MEG3: variants seen among roughly 807,000 people sequenced by gnomAD.
The protein encoded by MEG3 is maternally expressed 3.
At chr14:100,858,300 G>A (rs2038300784) in exon 1 of MEG3, 1 of 152,946 alleles carries the variant, frequency 6.5e-6, no homozygotes, top group African/African-American at 2.4e-5. Flanking sequence ...CTGCGTTAGA[G>A]GAGGTGCTGC....
rs780711431 is a variant in MEG3, at chr14:100,845,472, T to C, written n.3060T>C. The C allele has an allele frequency of 1.1e-5, 5 of 456,694 alleles. No homozygotes were observed. The allele number at this position is 456,694 out of a possible 1,614,324, so 28.3% of individuals were successfully genotyped here. On this transcript the variant is annotated non_coding_transcript_exon_variant, in exon 3 of 4. Transcript: ENST00000398461. This position sits in a 1 kb window ranked among gnomAD's most constrained non-coding sequence, Gnocchi z 5.2. ...TCTTGTTACAGCGGAAGCCATCACC[T>C]GGATGCCTACGTGGGAAGGGACCTC... is the stretch of plus-strand genomic sequence containing the variant.
At chr14:100,852,427 G>C (rs2139998862), upstream of MEG3, 1 of 534,370 alleles carries the variant, frequency 1.9e-6, no homozygotes, top group South Asian at 1.4e-5. Flanking sequence ...CACGTGTCAG[G>C]GCCACATGAG....
At chr14:100,844,554 T>C (rs2037857051) in intron 2 of MEG3, among the ~76,000 whole-genome samples, 1 of 152,198 alleles carries the variant, frequency 6.6e-6, no homozygotes, top group South Asian at 2.1e-4. Flanking sequence ...CCCCACCATC[T>C]CCCCTGTCAT....
intron 2 of MEG3, among the ~76,000 whole-genome samples, chr14:100,839,403 TC>T (rs1258363606): frequency 1.3e-5 from 2 of 152,142 alleles, no homozygotes; most frequent in Non-Finnish European, 2.9e-5. Flanking sequence ...TCTAGCTTCG[TC>T]TCCCATCCCC....
chr14:100,855,370 G>A (rs781400699), upstream of MEG3: 7 of 152,244 alleles, frequency 4.6e-5, no homozygotes, highest in Admixed American at 3.3e-4. Flanking sequence ...TGCCTCCTCC[G>A]GGGTTACTGC....
At chr14:100,850,078 A>G (rs2038023895) in intron 3 of MEG3, 1 of 152,270 alleles carries the variant, frequency 6.6e-6, no homozygotes, top group African/African-American at 2.4e-5. Context: ...TTGCAAATAA[A>G]TACATGGGCC....
chr14:100,828,747 G>C (rs1371894481), exon 2 of MEG3: 4 of 151,580 alleles, frequency 2.6e-5, no homozygotes, highest in African/African-American at 9.8e-5. Context: ...CCACCTCCTT[G>C]TCTTCAAGGA....
rs2037597815 is a variant in MEG3, at chr14:100,836,803, GC to G, written n.3045+504del. Reference sequence around the variant, plus strand: ...AGAACCGTGGTTTCTCACACATGAGGCTTTGATAATGTCCTTTAATCAAATA... The same window carrying G: ...AGAACCGTGGTTTCTCACACATGAGGTTTGATAATGTCCTTTAATCAAATA... On this transcript the variant is annotated intron_variant and non_coding_transcript_variant, in intron 2 of 3. Transcript: ENST00000398461. Among the ~76,000 whole-genome samples the G allele has an allele frequency of 2.6e-5, 4 of 151,840 alleles. No homozygotes were observed. In the South Asian group the frequency reaches 8.4e-4, roughly 32 times the overall value.
chr14:100,834,968 G>A (rs1281013750), exon 1 of MEG3: 1 of 390,756 alleles, frequency 2.6e-6, no homozygotes, highest in African/African-American at 2.1e-5. Flanking sequence ...AACTGAGCAC[G>A]CCCACGGCCC....
intron 2 of MEG3, among the ~76,000 whole-genome samples, chr14:100,842,797 C>T (rs1375820407): frequency 6.6e-6 from 1 of 152,120 alleles, no homozygotes; most frequent in Admixed American, 6.5e-5. Context: ...TTTTCTAATC[C>T]CATTAAGCTG....
At chr14:100,859,081 A>T (rs1317401979) in exon 1 of MEG3, 1 of 152,328 alleles carries the variant, frequency 6.6e-6, no homozygotes, top group Non-Finnish European at 1.5e-5. Context: ...TGAGGCCCAC[A>T]CTGCCCTGGC....
chr14:100,842,511 T>G (rs867756413), intron 2 of MEG3, among the ~76,000 whole-genome samples: 2 of 152,314 alleles, frequency 1.3e-5, no homozygotes, highest in Middle Eastern at 3.4e-3. Context: ...TACAGGAAAT[T>G]AGCTCTGCAA....
At chr14:100,843,811 A>G (rs1443334199) in intron 2 of MEG3, among the ~76,000 whole-genome samples, 1 of 135,936 alleles carries the variant, frequency 7.4e-6, no homozygotes, top group African/African-American at 2.7e-5. Context: ...AGGCAGCTGG[A>G]GTCAGGTGTC....
At chr14:100,854,461 G>A (rs1476323959), upstream of MEG3, 1 of 152,202 alleles carries the variant, frequency 6.6e-6, no homozygotes, top group African/African-American at 2.4e-5. Flanking sequence ...ATGGTGTGGG[G>A]TTGGCCTAGG....
chr14:100,852,334 C>T (rs532283810), upstream of MEG3: 193 of 531,992 alleles, frequency 3.6e-4, 1 homozygote, highest in Middle Eastern at 3.8e-3. Flanking sequence ...CTTCTAGCTC[C>T]GGCCGAGTGG....
chr14:100,854,656 G>C (rs2038183832), upstream of MEG3: 2 of 152,388 alleles, frequency 1.3e-5, no homozygotes, highest in African/African-American at 4.8e-5. Context: ...GAACCTCCAA[G>C]GTCCAGACAG....
chr14:100,835,948 G>A, intron 1 of MEG3: 1 of 328,648 alleles, frequency 3.0e-6, no homozygotes, highest in East Asian at 9.6e-5. Context: ...GCCCCGCCCG[G>A]TCCCTTGCTC....
At chr14:100,838,377 T>G (rs1354225087) in intron 2 of MEG3, among the ~76,000 whole-genome samples, 1 of 152,190 alleles carries the variant, frequency 6.6e-6, no homozygotes, top group Non-Finnish European at 1.5e-5. Context: ...GGGTTTTGTG[T>G]GTCATTAGGT....
rs779344118 is a variant in MEG3, at chr14:100,837,974, C to G, written n.3045+1674C>G. Among the ~76,000 whole-genome samples the G allele has an allele frequency of 2.6e-5, 4 of 151,980 alleles. No homozygotes were observed. Among genetic ancestry groups the G allele is most frequent in the Non-Finnish European group, 4.4e-5 (3 of 68,012 alleles). On this transcript the variant is annotated intron_variant and non_coding_transcript_variant, in intron 2 of 3. Coordinates refer to the MEG3 transcript ENST00000398461. The surrounding 1 kb of genome is among the most constrained non-coding windows in gnomAD (Gnocchi z 5.8). The stretch of plus-strand genomic sequence containing the variant: ...GAGGGGGCCCAGGAAGGCTCTGCCC[C>G]GTGACATTTACTCCAAGGCTAGCAT...
Sources: allele counts gnomAD v4.1 joint callset (sites outside exome capture counted in the v4.1 genomes callset), GRCh38; gene constraint gnomAD v4.1.1; non-coding constraint Gnocchi (gnomAD v3.1); transcripts MANE v1.5; gene names NCBI Gene and HGNC (gene_info 2026-07-23, HGNC 2026-07-21).